The following SYNPO2 variants were observed in gnomAD, a reference collection of about 807,000 sequenced individuals.
The protein encoded by SYNPO2 is synaptopodin 2.
Under a neutral mutation model 85.0 loss-of-function variants are expected in SYNPO2, and 56 were observed. The observed-to-expected ratio is 0.66, with a 90% CI of 0.53 to 0.82. The LOEUF is 0.82. Ranked by LOEUF, SYNPO2 falls within the 40% of genes least tolerant of loss-of-function variation. SYNPO2 has a pLI of 0.00. For synonymous variants in SYNPO2, 602 were observed against 591.1 expected (o/e 1.02, Z -0.27); for missense variants, 1,575 against 1,534.2 (o/e 1.03, Z -0.44).
intron 1 of SYNPO2, among the ~76,000 whole-genome samples, chr4:118,933,929 T>G (rs573309820): frequency 7.6e-4 from 115 of 150,950 alleles, no homozygotes; most frequent in African/African-American, 2.7e-3. Context: ...CTTTAGATCT[T>G]TAAATTCTTA....
intron 1 of SYNPO2, among the ~76,000 whole-genome samples, chr4:118,981,182 A>T (rs932228603): frequency 6.6e-6 from 1 of 152,204 alleles, no homozygotes; most frequent in African/African-American, 2.4e-5. Context: ...ACCACAAACA[A>T]TGCAACAAAC....
At chr4:118,890,697 TTCTC>T (rs796242049) in intron 1 of SYNPO2, among the ~76,000 whole-genome samples, 98 of 81,842 alleles carry the variant, frequency 1.2e-3, no homozygotes, top group African/African-American at 3.1e-3. Context: ...TCTCATCGGT[TTCTC>T]TCTCTCTCTC....
In SYNPO2 at chr4:119,030,807, G is replaced by A. The variant is rs1221565190; in HGVS notation, c.2032G>A (p.Ala678Thr). Reference sequence around the variant, plus strand: ...CCGAGATGAGAGGATCTCAGTGCCAGCAAAAAGAACAGGAATATTGCAGGA... The same window carrying A: ...CCGAGATGAGAGGATCTCAGTGCCAACAAAAAGAACAGGAATATTGCAGGA... ...ASRDERISVP[A>T]KRTGILQEAK... The change falls in exon 4 of 5, where the codon GCA becomes ACA. Residue 678 changes from alanine to threonine, a missense_variant. By Grantham distance (58) the Ala-to-Thr change is moderately conservative. Coordinates refer to ENST00000307142, the MANE Select transcript of SYNPO2 (RefSeq NM_133477.3). 2.5e-6 allele frequency: 4 copies of A among 1,614,114 alleles called. No homozygotes were observed. Among genetic ancestry groups the A allele is most frequent in the Non-Finnish European group, 3.4e-6 (4 of 1,180,022 alleles).
intron 4 of SYNPO2, among the ~76,000 whole-genome samples, chr4:119,055,460 G>C (rs1739181565): frequency 6.6e-6 from 1 of 152,108 alleles, no homozygotes; most frequent in African/African-American, 2.4e-5. Flanking sequence ...GGCCCAAACT[G>C]GTCTTCTGTA....
At chr4:118,949,345 C>A (rs1236141246) in intron 1 of SYNPO2, among the ~76,000 whole-genome samples, 1 of 152,118 alleles carries the variant, frequency 6.6e-6, no homozygotes, top group African/African-American at 2.4e-5. Context: ...CTACCCTAAC[C>A]CTATGAAATT....
At position 119,031,015 on chromosome 4, in the gene SYNPO2, A is replaced by G; in HGVS notation, c.2240A>G (p.Gln747Arg). The change falls in exon 4 of 5, where the codon CAA (glutamine) becomes CGA (arginine). Residue 747 changes from glutamine (Q) to arginine (R), a missense_variant. By Grantham distance (43) the Gln-to-Arg change is conservative (BLOSUM62 1). Coordinates refer to ENST00000307142, the MANE Select transcript of SYNPO2 (RefSeq NM_133477.3). ...SLGAEACNFM[Q>R]SSSAKQKTPP... The stretch of plus-strand genomic sequence containing the variant: ...GGGGCAGAGGCTTGTAATTTCATGC[A>G]AAGCTCCTCTGCCAAACAAAAGACC... 6.2e-7 allele frequency: 1 copy of G among 1,614,056 alleles called. No individual in the cohort carries two copies. The highest frequency in any genetic ancestry group is 8.5e-7 in the Non-Finnish European group (1 of 1,179,994).
At chr4:119,033,643 G>GA in intron 4 of SYNPO2, 1 of 985,346 alleles carries the variant, frequency 1.0e-6, no homozygotes, top group Non-Finnish European at 1.2e-6. Context: ...TTAATCTTCT[G>GA]AAAATATCTG....
chr4:118,916,552 C>T (rs561551332), intron 1 of SYNPO2, among the ~76,000 whole-genome samples: 10 of 139,496 alleles, frequency 7.2e-5, no homozygotes, highest in Admixed American at 6.1e-4. Context: ...AAATATAAAC[C>T]TATTACTTAC....
At chr4:118,944,372 C>T (rs879829045) in intron 1 of SYNPO2, among the ~76,000 whole-genome samples, 1 of 152,072 alleles carries the variant, frequency 6.6e-6, no homozygotes, top group Non-Finnish European at 1.5e-5. Context: ...TTACCCCAAC[C>T]CCAGTTTCTT....
At chr4:118,995,867 TATC>T (rs1736567671) in intron 1 of SYNPO2, among the ~76,000 whole-genome samples, 2 of 93,738 alleles carry the variant, frequency 2.1e-5, no homozygotes, top group Admixed American at 2.2e-4. Flanking sequence ...TTATCTTATC[TATC>T]TATCTATCTA....
At chr4:118,944,260 C>T (rs953658151) in intron 1 of SYNPO2, among the ~76,000 whole-genome samples, 1 of 152,084 alleles carries the variant, frequency 6.6e-6, no homozygotes, top group Non-Finnish European at 1.5e-5. Context: ...CCAGTCTACT[C>T]GCAGTAGACT....
chr4:118,869,809 C>T (rs2110571332), intron 1 of SYNPO2, among the ~76,000 whole-genome samples: 1 of 152,268 alleles, frequency 6.6e-6, no homozygotes, highest in East Asian at 1.9e-4. Context: ...ATTAAGAGAG[C>T]TGAAATGAAA....
intron 1 of SYNPO2, among the ~76,000 whole-genome samples, chr4:118,861,935 A>G (rs1387316994): frequency 6.6e-6 from 1 of 152,158 alleles, no homozygotes; most frequent in Non-Finnish European, 1.5e-5. Flanking sequence ...TTCAGGTAGT[A>G]TGGACATTTT....
chr4:119,048,945 G>A (rs1326122606), intron 4 of SYNPO2, among the ~76,000 whole-genome samples: 1 of 152,172 alleles, frequency 6.6e-6, no homozygotes, highest in African/African-American at 2.4e-5. Context: ...AGTTTTAACT[G>A]GGTAGTTTTG....
chr4:119,031,582 C>T lies in SYNPO2; in HGVS notation c.2807C>T (p.Ala936Val), dbSNP rs781710718. The part of the protein sequence containing the change: ...NPIHSPSYPL[A>V]ALKSQPSAAQ... The stretch of plus-strand genomic sequence containing the variant: ...ATCCACTCGCCGTCTTACCCACTGG[C>T]TGCTCTCAAGTCTCAGCCATCAGCT... The change falls in exon 4 of 5, where the codon GCT (alanine) becomes GTT (valine). Residue 936 changes from alanine (A) to valine (V), a missense_variant. By Grantham distance (64) the Ala-to-Val change is moderately conservative. Around this residue, in one of 3 missense-constraint regions of SYNPO2, gnomAD observed 1,508 missense variants for 1,446.8 expected, o/e 1.04. Coordinates refer to ENST00000307142, the MANE Select transcript of SYNPO2 (RefSeq NM_133477.3). 1 of 1,614,182 alleles carries T rather than the reference C, an allele frequency of 6.2e-7. No homozygotes were observed. Among genetic ancestry groups the T allele is most frequent in the East Asian group, 2.2e-5 (1 of 44,884 alleles).
In SYNPO2 at chr4:119,057,973, T is replaced by TA. The variant is rs61064985; in HGVS notation, c.*47dup. ...GGATCATGTGCCAACTGTAGTTTTTTAAAAAAAACGCTCCTTTGTAGGGTT... is the reference window on the plus strand; with the variant it reads ...GGATCATGTGCCAACTGTAGTTTTTTAAAAAAAAACGCTCCTTTGTAGGGTT... On this transcript the variant is annotated 3_prime_UTR_variant, in exon 5 of 5. Coordinates refer to ENST00000307142, the MANE Select transcript of SYNPO2 (RefSeq NM_133477.3). The TA allele has an allele frequency of 2.9e-4, 446 of 1,556,252 alleles. No individual in the cohort carries two copies. Among genetic ancestry groups the TA allele is most frequent in the Admixed American group, 1.1e-3 (54 of 48,084 alleles).
intron 1 of SYNPO2, among the ~76,000 whole-genome samples, chr4:118,942,018 T>C (rs1269153440): frequency 6.6e-6 from 1 of 152,102 alleles, no homozygotes; most frequent in Non-Finnish European, 1.5e-5. Context: ...AATATTGGCT[T>C]AGTGTGTGAG....
At position 119,059,318 on chromosome 4, in the gene SYNPO2, C is replaced by T. The variant is rs763523190; in HGVS notation, c.*1384C>T. The T allele has an allele frequency of 6.6e-6, 1 of 152,074 alleles. No individual in the cohort carries two copies. The highest frequency in any genetic ancestry group is 1.5e-5 in the Non-Finnish European group (1 of 68,008). 9.4% of individuals were successfully genotyped at this position (152,074 alleles called of 1,614,324 possible). A position where few individuals can be genotyped will look rare whatever the true frequency, so the allele number is the denominator to read the frequency against. On this transcript the variant is annotated 3_prime_UTR_variant, in exon 5 of 5. Transcript: ENST00000307142. ...CAATCGTAGGTCATGATAATTTATT[C>T]AGTTATAGAAAACATGCCACAGAAG... is the stretch of plus-strand genomic sequence containing the variant.
intron 1 of SYNPO2, among the ~76,000 whole-genome samples, chr4:118,881,250 C>T (rs1190441229): frequency 6.7e-6 from 1 of 148,876 alleles, no homozygotes; most frequent in Non-Finnish European, 1.5e-5. Flanking sequence ...TGCAGGGAGC[C>T]GAGATCGCAC....
Sources: gnomAD v4.1 joint callset for allele counts (sites outside exome capture counted in the v4.1 genomes callset) on GRCh38, gnomAD v4.1.1 for gene constraint, gnomAD v4.1.1 regional missense constraint, MANE v1.5 for transcripts, NCBI Gene and HGNC (gene_info 2026-07-23, HGNC 2026-07-21) for gene names.